CHN2: variants seen among roughly 807,000 people sequenced by gnomAD.
CHN2 encodes the protein beta-chimaerin.
CHN2 carries 35 observed loss-of-function variants against 56.3 expected under a neutral mutation model. The observed-to-expected ratio is 0.62, with a 90% CI of 0.47 to 0.82. CHN2 has a LOEUF of 0.82. Among genes scored for constraint, CHN2 ranks in the 40% least tolerant of loss-of-function variants. CHN2 has a pLI of 0.00. For missense variants in CHN2, 491 were observed against 580.5 expected, an observed-to-expected ratio of 0.85 and a Z score of 1.58; for synonymous variants, 210 against 212.8, an observed-to-expected ratio of 0.99 and a Z score of 0.12.
At chr7:29,426,533 C>T (rs541453797) in intron 6 of CHN2, among the ~76,000 whole-genome samples, 16 of 152,166 alleles carry the variant, frequency 1.1e-4, no homozygotes, top group Non-Finnish European at 2.2e-4. Flanking sequence ...CTAGCAAAGT[C>T]ATTCTTGCTT....
chr7:29,497,081 C>T (rs976768569), intron 8 of CHN2, among the ~76,000 whole-genome samples: 4 of 152,198 alleles, frequency 2.6e-5, no homozygotes, highest in African/African-American at 7.2e-5. Context: ...TGTGTAAATA[C>T]ACCAATCACC....
At chr7:29,384,286 C>T (rs1021231949) in intron 3 of CHN2, among the ~76,000 whole-genome samples, 2 of 152,200 alleles carry the variant, frequency 1.3e-5, no homozygotes, top group African/African-American at 2.4e-5. Context: ...TGAGCAATTT[C>T]CCTTCCTTTT....
chr7:29,343,320 A>G (rs1322301951), intron 1 of CHN2, among the ~76,000 whole-genome samples: 1 of 152,196 alleles, frequency 6.6e-6, no homozygotes, highest in Non-Finnish European at 1.5e-5. Flanking sequence ...GATCAGGGAC[A>G]TGGCCAGTGG....
intron 6 of CHN2, among the ~76,000 whole-genome samples, chr7:29,450,778 C>CT (rs57478438): frequency 1.1e-3 from 157 of 147,746 alleles, no homozygotes; most frequent in Non-Finnish European, 1.6e-3. Context: ...TTCATTACTT[C>CT]TTTTTTTTTT....
intron 1 of CHN2, among the ~76,000 whole-genome samples, chr7:29,331,957 A>G (rs892265816): frequency 2.0e-5 from 3 of 150,082 alleles, no homozygotes; most frequent in African/African-American, 7.4e-5. Context: ...GATTGCAGTG[A>G]GCCAAGATTG....
chr7:29,251,968 A>G lies in CHN2; in HGVS notation c.49+56978A>G, dbSNP rs564774976. 1.4e-4 allele frequency among the ~76,000 whole-genome samples: 22 copies of G among 152,252 alleles called. No individual in the cohort carries two copies. In the South Asian group the frequency reaches 4.4e-3, roughly 30 times the overall value. On this transcript the variant is annotated intron_variant, in intron 1 of 12. Transcript: ENST00000222792. ...CTCAAAAATCTTACACATGCTATAT[A>G]TACTTAAATAGACCAAATTCATTCT...
intron 1 of CHN2, among the ~76,000 whole-genome samples, chr7:29,308,770 T>G (rs1258244186): frequency 6.6e-6 from 1 of 152,208 alleles, no homozygotes; most frequent in African/African-American, 2.4e-5. Context: ...TGTTCTGCCC[T>G]TCCTCAGAGA....
chr7:29,188,473 T>G (rs1584646234), intron 2 of CHN2, among the ~76,000 whole-genome samples: 1 of 152,360 alleles, frequency 6.6e-6, no homozygotes, highest in South Asian at 2.1e-4. Flanking sequence ...ATCAGAAGAT[T>G]GGCTCAGATA....
intron 1 of CHN2, among the ~76,000 whole-genome samples, chr7:29,300,566 G>A (rs561100092): frequency 1.1e-4 from 16 of 152,166 alleles, no homozygotes; most frequent in Non-Finnish European, 2.1e-4. Context: ...CAGAGATGCA[G>A]CGTAATACTT....
intron 1 of CHN2, among the ~76,000 whole-genome samples, chr7:29,223,238 A>G (rs1214408830): frequency 6.6e-6 from 1 of 152,180 alleles, no homozygotes; most frequent in Admixed American, 6.5e-5. Flanking sequence ...TGACTTGGAG[A>G]AAATAATTCA....
intron 2 of CHN2, among the ~76,000 whole-genome samples, chr7:29,158,683 A>G (rs1258083362): frequency 3.3e-5 from 5 of 152,350 alleles, no homozygotes; most frequent in South Asian, 2.1e-4. Context: ...GTCATTAGAC[A>G]TGGCCGTAGA....
intron 2 of CHN2, among the ~76,000 whole-genome samples, 194 bp downstream of exon 2, chr7:29,354,857 G>A (rs1370923732): frequency 6.6e-6 from 1 of 152,018 alleles, no homozygotes; most frequent in African/African-American, 2.4e-5. Context: ...AGGCCTCCAA[G>A]AACCAGCTGT....
chr7:29,413,695 C>T (rs531614069), intron 6 of CHN2, among the ~76,000 whole-genome samples: 3 of 152,304 alleles, frequency 2.0e-5, no homozygotes, highest in South Asian at 2.1e-4. Flanking sequence ...TTGTGACTTG[C>T]GGGTCATTTC....
chr7:29,339,315 C>G (rs1396860497), intron 1 of CHN2, among the ~76,000 whole-genome samples: 1 of 152,008 alleles, frequency 6.6e-6, no homozygotes, highest in Non-Finnish European at 1.5e-5. Flanking sequence ...CCCTACCTCT[C>G]CTGACCCTCG....
intron 6 of CHN2, among the ~76,000 whole-genome samples, chr7:29,405,164 T>TACACACACACAC (rs57823678): frequency 0.04 from 4,234 of 105,098 alleles, 722 homozygotes; most frequent in East Asian, 0.068. Context: ...TATGTCACCA[T>TACACACACACAC]ACACACACAC....
intron 6 of CHN2, among the ~76,000 whole-genome samples, chr7:29,447,817 G>A (rs849917): frequency 0.5 from 76,046 of 152,048 alleles, 21,732 homozygotes; most frequent in African/African-American, 0.79. Context: ...AATATGTGCT[G>A]TTTATTGTAT....
chr7:29,349,175 C>T (rs900356155), intron 1 of CHN2, among the ~76,000 whole-genome samples: 2 of 152,164 alleles, frequency 1.3e-5, no homozygotes, highest in Admixed American at 1.3e-4. Context: ...TTTCTTATGG[C>T]ACTCTTTATC....
At position 29,495,938 on chromosome 7, in the gene CHN2, T is replaced by C. The variant is rs778060297; in HGVS notation, c.655-14T>C. The C allele has an allele frequency of 1.2e-6, 2 of 1,610,868 alleles. No individual in the cohort carries two copies. Among genetic ancestry groups the C allele is most frequent in the Non-Finnish European group, 1.7e-6 (2 of 1,177,898 alleles). On this transcript the variant is annotated splice_polypyrimidine_tract_variant and intron_variant, in intron 7 of 12. Transcript: ENST00000222792. ...TCTGAGCTTTCTGACATTTTTCTTC[T>C]TTTTGGATCACAGGTCCACACGTTC...
At chr7:29,441,292 A>G (rs543240600) in intron 6 of CHN2, among the ~76,000 whole-genome samples, 5 of 152,362 alleles carry the variant, frequency 3.3e-5, no homozygotes, top group African/African-American at 1.2e-4. Flanking sequence ...ACCTCACACC[A>G]TCTACATGAA....
Sources: gnomAD v4.1 joint callset for allele counts (sites outside exome capture counted in the v4.1 genomes callset) on GRCh38, gnomAD v4.1.1 for gene constraint, MANE v1.5 for transcripts, NCBI Gene and HGNC (gene_info 2026-07-23, HGNC 2026-07-21) for gene names.